The following HS6ST2 variants were observed in gnomAD, a reference collection of about 807,000 sequenced individuals.
The protein encoded by HS6ST2 is heparan-sulfate 6-O-sulfotransferase 2.
In HS6ST2, 17 loss-of-function variants were observed where a neutral mutation model predicts 33.0. That is an observed-to-expected ratio of 0.52 (90% confidence interval 0.35 to 0.77). The LOEUF (loss-of-function observed/expected upper bound fraction) is 0.77. HS6ST2 is among the 30% of genes least tolerant of loss of function. The pLI is 0.01. For missense variants in HS6ST2, 519 were observed against 551.7 expected (o/e 0.94, Z 0.59); for synonymous variants, 248 against 237.1 (o/e 1.05, Z -0.42).
rs138894291 is a variant in HS6ST2, at chrX:132,899,746, T to A, written c.947+57062A>T. On this transcript the variant is annotated intron_variant, in intron 2 of 4. Transcript: ENST00000370833. ...AACTATAAATGCGCAAGTCTAAAAATTTCAATGGACTGTAAGCCAAAAATA... is the reference window on the plus strand; with the variant it reads ...AACTATAAATGCGCAAGTCTAAAAAATTCAATGGACTGTAAGCCAAAAATA... Among the ~76,000 whole-genome samples the A allele has an allele frequency of 7.2e-5, 8 of 111,532 alleles. No individual in the cohort carries two copies. The South Asian group carries it at 1.9e-3, about 26-fold the overall frequency.
At chrX:132,858,675 G>A (rs1393613175) in intron 2 of HS6ST2, among the ~76,000 whole-genome samples, 1 of 112,108 alleles carries the variant, frequency 8.9e-6, no homozygotes, top group Admixed American at 9.4e-5. Flanking sequence ...AAAAGGGATT[G>A]TTTGGCAGTG....
At chrX:132,783,927 G>T (rs779645717) in intron 2 of HS6ST2, among the ~76,000 whole-genome samples, 37 of 111,792 alleles carry the variant, frequency 3.3e-4, no homozygotes, top group African/African-American at 1.2e-3. Context: ...AGAAGGCAAG[G>T]GTTGCCAAAA....
At chrX:132,665,131 C>T (rs1370129936) in intron 4 of HS6ST2, among the ~76,000 whole-genome samples, 2 of 111,738 alleles carry the variant, frequency 1.8e-5, no homozygotes, top group African/African-American at 3.3e-5. Context: ...CTTTCATCAC[C>T]GCTACTGCTA....
chrX:132,819,227 G>T (rs1025481333), intron 2 of HS6ST2, among the ~76,000 whole-genome samples: 1 of 111,133 alleles, frequency 9.0e-6, no homozygotes, highest in Non-Finnish European at 1.9e-5. Flanking sequence ...ACCATTCTCA[G>T]TGTTAATGCC....
intron 2 of HS6ST2, among the ~76,000 whole-genome samples, chrX:132,927,598 G>T (rs1346911515): frequency 9.0e-6 from 1 of 111,486 alleles, no homozygotes; most frequent in African/African-American, 3.3e-5. Flanking sequence ...TCCTTGACTG[G>T]TTATGGATCC....
At chrX:132,702,412 C>G (rs959347854) in intron 3 of HS6ST2, among the ~76,000 whole-genome samples, 1 of 112,076 alleles carries the variant, frequency 8.9e-6, no homozygotes, top group Non-Finnish European at 1.9e-5. Flanking sequence ...CAGGGAAGAG[C>G]GTGAACATGC....
chrX:132,854,540 A>G (rs912496334), intron 2 of HS6ST2, among the ~76,000 whole-genome samples: 2 of 112,615 alleles, frequency 1.8e-5, no homozygotes, highest in African/African-American at 6.5e-5. Context: ...ATAAACCATT[A>G]CATGTGTTTA....
At chrX:132,754,503 G>A (rs989516696) in intron 2 of HS6ST2, among the ~76,000 whole-genome samples, 7 of 103,596 alleles carry the variant, frequency 6.8e-5, no homozygotes, top group Non-Finnish European at 1.2e-4. Flanking sequence ...TGCAACCTCC[G>A]CCCCCCTGGT....
chrX:132,687,905 C>T (rs898055720), intron 3 of HS6ST2, among the ~76,000 whole-genome samples: 9 of 111,246 alleles, frequency 8.1e-5, no homozygotes, highest in African/African-American at 9.8e-5. Context: ...CCCACCACCA[C>T]GCCCAGCTAA....
In HS6ST2 at chrX:132,854,868, T is replaced by C. The variant is rs189099134; in HGVS notation, c.947+101940A>G. On this transcript the variant is annotated intron_variant, in intron 2 of 4. Transcript: ENST00000370833. ...CACAGACGAACTGAATTTCAAATCA[T>C]TCAACCTCACCTCTTCTCTCCTTCA... 4.5e-5 allele frequency among the ~76,000 whole-genome samples: 5 copies of C among 112,142 alleles called. No homozygotes were observed. The East Asian group carries it at 1.4e-3, about 32-fold the overall frequency.
rs1474685785 is a variant in HS6ST2, at chrX:132,905,472, A to G, written c.947+51336T>C. The stretch of plus-strand genomic sequence containing the variant: ...CATGGCTGTCAAATTGTTCTACCAC[A>G]CTTTGAAAAGTCAATTCTTTCACCA... On this transcript the variant is annotated intron_variant, in intron 2 of 4. Transcript: ENST00000370833. 3.6e-5 allele frequency among the ~76,000 whole-genome samples: 4 copies of G among 112,535 alleles called. No individual in the cohort carries two copies. In the Admixed American group the frequency reaches 3.8e-4, roughly 11 times the overall value.
intron 2 of HS6ST2, among the ~76,000 whole-genome samples, chrX:132,760,853 G>GGGCCA (rs1325132067): frequency 9.9e-5 from 11 of 111,112 alleles, no homozygotes; most frequent in African/African-American, 2.6e-4. Context: ...TTTGAGGCCC[G>GGGCCA]GGCCAAAGGC....
Position 132,627,993 on chromosome X carries a change from C to G in HS6ST2, c.*230G>C. On this transcript the variant is annotated 3_prime_UTR_variant, in exon 5 of 5. Coordinates refer to ENST00000370833, the MANE Select transcript of HS6ST2 (RefSeq NM_001394073.1). ...TGAGTCTGGTTTGGCTTTCGGATTT[C>G]ATATTTAGTCCAACCCCAAAAAGAC... 1 of 280,859 alleles carries G rather than the reference C, an allele frequency of 3.6e-6. No individual in the cohort carries two copies. The allele number at this position is 280,859 out of a possible 1,213,427, so 23.1% of individuals were successfully genotyped here.
chrX:132,886,571 C>G (rs1445596001), intron 2 of HS6ST2, among the ~76,000 whole-genome samples: 1 of 110,213 alleles, frequency 9.1e-6, no homozygotes, highest in Non-Finnish European at 1.9e-5. Flanking sequence ...TAGCCTACAA[C>G]CAAAAAGATC....
At chrX:132,796,753 T>A in intron 2 of HS6ST2, among the ~76,000 whole-genome samples, 1 of 112,154 alleles carries the variant, frequency 8.9e-6, no homozygotes, top group Non-Finnish European at 1.9e-5. Flanking sequence ...AGGCTACTGA[T>A]GCAGCCCCAA....
chrX:132,753,552 G>C (rs759399478), intron 2 of HS6ST2, among the ~76,000 whole-genome samples: 5 of 112,139 alleles, frequency 4.5e-5, no homozygotes, highest in African/African-American at 1.6e-4. Flanking sequence ...ACCATGTAAG[G>C]TGTGACTTTG....
chrX:132,749,704 G>A (rs2064680873), intron 2 of HS6ST2, among the ~76,000 whole-genome samples: 1 of 111,459 alleles, frequency 9.0e-6, no homozygotes, highest in Admixed American at 9.6e-5. Context: ...ATTTTGAATT[G>A]GGTGATGCAC....
At chrX:132,947,571 T>C (rs944835942) in intron 2 of HS6ST2, among the ~76,000 whole-genome samples, 9 of 111,979 alleles carry the variant, frequency 8.0e-5, no homozygotes, top group African/African-American at 2.9e-4. Flanking sequence ...TTGTCTGATA[T>C]CAACATAGCC....
chrX:132,929,556 A>G (rs769342112), intron 2 of HS6ST2, among the ~76,000 whole-genome samples: 2 of 111,305 alleles, frequency 1.8e-5, no homozygotes, highest in Non-Finnish European at 3.8e-5. Context: ...AAATAAAGCA[A>G]TAAGTAGCTA....
Sources: gnomAD v4.1 joint callset for allele counts (sites outside exome capture counted in the v4.1 genomes callset) on GRCh38, gnomAD v4.1.1 for gene constraint, MANE v1.5 for transcripts, NCBI Gene and HGNC (gene_info 2026-07-23, HGNC 2026-07-21) for gene names.